Variants in IQCJ observed in about 807,000 individuals in gnomAD.
The protein encoded by IQCJ is IQ domain-containing protein J.
A neutral mutation model predicts 11.0 loss-of-function variants in IQCJ; 9 were observed. The ratio of observed to expected loss-of-function variants is 0.82; its 90% CI spans 0.49 to 1.43. The LOEUF is 1.43. IQCJ is among the 40% of genes most tolerant of loss of function. The pLI, the probability that IQCJ is intolerant of heterozygous loss-of-function variation, is 0.00. For synonymous variants in IQCJ, 55 were observed against 51.3 expected (o/e 1.07, Z -0.31); for missense variants, 146 against 133.2 (o/e 1.10, Z -0.47).
At chr3:159,125,247 G>C (rs867761101) in intron 1 of IQCJ, among the ~76,000 whole-genome samples, 1 of 152,128 alleles carries the variant, frequency 6.6e-6, no homozygotes, top group South Asian at 2.1e-4. Flanking sequence ...TCCCAATTCC[G>C]AGACATTCTA....
chr3:159,202,530 G>A (rs1700803276), intron 1 of IQCJ, among the ~76,000 whole-genome samples: 1 of 152,166 alleles, frequency 6.6e-6, no homozygotes, highest in South Asian at 2.1e-4. Flanking sequence ...CTCTCTTGAA[G>A]CAGATAAGGA....
chr3:159,214,875 G>A (rs903332007), intron 1 of IQCJ, among the ~76,000 whole-genome samples: 3 of 152,120 alleles, frequency 2.0e-5, no homozygotes, highest in East Asian at 1.9e-4. Flanking sequence ...ACTGTATCCA[G>A]CAAGTCTATG....
intron 1 of IQCJ, among the ~76,000 whole-genome samples, chr3:159,138,861 G>C (rs563398398): frequency 6.6e-6 from 1 of 152,142 alleles, no homozygotes; most frequent in African/African-American, 2.4e-5. Flanking sequence ...TTTATTTGTG[G>C]AGCTCTGTAA....
intron 1 of IQCJ, among the ~76,000 whole-genome samples, chr3:159,195,281 C>G (rs1723919193): frequency 6.6e-6 from 1 of 152,190 alleles, no homozygotes; most frequent in Non-Finnish European, 1.5e-5. Context: ...GGGCATAGTG[C>G]CTTTCTTCTC....
chr3:159,230,033 C>G (rs940386491), intron 1 of IQCJ, among the ~76,000 whole-genome samples: 4 of 150,008 alleles, frequency 2.7e-5, no homozygotes, highest in African/African-American at 9.9e-5. Flanking sequence ...CATCCCATGT[C>G]CTTCTCCTCC....
intron 1 of IQCJ, among the ~76,000 whole-genome samples, chr3:159,230,307 T>G (rs2108149606): frequency 6.6e-6 from 1 of 152,344 alleles, no homozygotes; most frequent in African/African-American, 2.4e-5. Context: ...GGCAGCTAGG[T>G]TAATTCCATG....
chr3:159,158,452 T>A (rs1721657472), intron 1 of IQCJ, among the ~76,000 whole-genome samples: 2 of 152,158 alleles, frequency 1.3e-5, no homozygotes, highest in African/African-American at 4.8e-5. Context: ...TCCCTGGTGG[T>A]TGATTGAAAG....
At chr3:159,077,206 C>T (rs765562494) in intron 1 of IQCJ, among the ~76,000 whole-genome samples, 3 of 152,084 alleles carry the variant, frequency 2.0e-5, no homozygotes, top group Non-Finnish European at 4.4e-5. Context: ...ATCATCTATA[C>T]CCATTGTTGG....
Position 159,200,030 on chromosome 3 carries a change from C to CTATATATATATATATATATATA in IQCJ, c.10-45795_10-45794insTATATATATATATATATATATA, listed in dbSNP as rs368929112. On this transcript the variant is annotated intron_variant, in intron 1 of 3. Coordinates refer to ENST00000397832, the MANE Select transcript of IQCJ (RefSeq NM_001042706.3). ...TAAGATTGTTATAAGGAGTAAACGACTATATATATATATATATAAATCTAA... is the reference window on the plus strand; with the variant it reads ...TAAGATTGTTATAAGGAGTAAACGACTATATATATATATATATATATATATATATATATATATATAAATCTAA... Among the ~76,000 whole-genome samples the CTATATATATATATATATATATA allele has an allele frequency of 7.3e-3, 869 of 119,118 alleles. 7 individuals carry two copies. Among genetic ancestry groups the CTATATATATATATATATATATA allele is most frequent in the East Asian group, 0.018 (63 of 3,492 alleles). The allele number at this position is 119,118 out of a possible 152,430, so 78.1% of individuals were successfully genotyped here.
chr3:159,229,093 A>G (rs1726035113), intron 1 of IQCJ, among the ~76,000 whole-genome samples: 1 of 152,156 alleles, frequency 6.6e-6, no homozygotes, highest in African/African-American at 2.4e-5. Context: ...TTTCTTGTCT[A>G]TCTGCCTGCC....
chr3:159,132,516 T>G (rs188997113), intron 1 of IQCJ, among the ~76,000 whole-genome samples: 1 of 152,282 alleles, frequency 6.6e-6, no homozygotes, highest in East Asian at 1.9e-4. Flanking sequence ...GTAATGAAGT[T>G]GTGTGACCAG....
chr3:159,251,688 C>T (rs1727612335), intron 2 of IQCJ, among the ~76,000 whole-genome samples: 1 of 151,988 alleles, frequency 6.6e-6, no homozygotes, highest in Admixed American at 6.6e-5. Context: ...AAATATATTA[C>T]CTATGAAAAC....
intron 1 of IQCJ, among the ~76,000 whole-genome samples, chr3:159,227,227 T>C (rs1344370145): frequency 1.3e-5 from 2 of 152,202 alleles, no homozygotes; most frequent in Non-Finnish European, 2.9e-5. Flanking sequence ...TTTAAAGATA[T>C]CAGGAAATTC....
chr3:159,179,428 T>C (rs1408308924), intron 1 of IQCJ, among the ~76,000 whole-genome samples: 1 of 152,166 alleles, frequency 6.6e-6, no homozygotes, highest in African/African-American at 2.4e-5. Flanking sequence ...TCCAGGAACC[T>C]ATCAAACTGG....
downstream of IQCJ, among the ~76,000 whole-genome samples, chr3:159,264,788 T>C (rs2108243047): frequency 6.6e-6 from 1 of 152,062 alleles, no homozygotes; most frequent in South Asian, 2.1e-4. Flanking sequence ...GGCATGCACC[T>C]GTAATCCCAG....
intron 1 of IQCJ, among the ~76,000 whole-genome samples, chr3:159,131,592 T>A (rs1219794447): frequency 6.6e-6 from 1 of 152,112 alleles, no homozygotes; most frequent in Non-Finnish European, 1.5e-5. Flanking sequence ...TTTAGTAACA[T>A]TATATTTTCC....
intron 1 of IQCJ, among the ~76,000 whole-genome samples, chr3:159,175,023 C>T (rs4269119): frequency 0.25 from 37,909 of 151,974 alleles, 5,078 homozygotes; most frequent in South Asian, 0.38. Context: ...ATAGAATTGC[C>T]ATTATTTATG....
intron 3 of IQCJ, among the ~76,000 whole-genome samples, chr3:159,257,570 G>C (rs979720009): frequency 3.3e-5 from 5 of 152,160 alleles, no homozygotes; most frequent in Admixed American, 2.0e-4. Flanking sequence ...ATACTGGAGT[G>C]GAGGGGAAGC....
intron 1 of IQCJ, among the ~76,000 whole-genome samples, chr3:159,177,369 C>T (rs1269152295): frequency 6.6e-6 from 1 of 152,120 alleles, no homozygotes; most frequent in African/African-American, 2.4e-5. Context: ...ACTGACAACG[C>T]CATGTGCTGA....
Sources: gnomAD v4.1 joint callset for allele counts (sites outside exome capture counted in the v4.1 genomes callset) on GRCh38, gnomAD v4.1.1 for gene constraint, MANE v1.5 for transcripts, NCBI Gene and HGNC (gene_info 2026-07-23, HGNC 2026-07-21) for gene names.